DNAH7: variants seen among roughly 807,000 people sequenced by gnomAD.
DNAH7 encodes the protein dynein axonemal heavy chain 7.
Under a neutral mutation model 444.6 loss-of-function variants are expected in DNAH7, and 397 were observed. That is an observed-to-expected ratio of 0.89 (90% confidence interval 0.82 to 0.97). The LOEUF is 0.97. DNAH7 is among the 50% of genes least tolerant of loss of function. DNAH7 has a pLI of 0.00. For missense variants in DNAH7, 4,902 were observed against 4,800.8 expected (o/e 1.02, Z -0.62); for synonymous variants, 1,636 against 1,624.4 (o/e 1.01, Z -0.17).
chr2:195,821,950 T>C (rs1401773399), intron 49 of DNAH7, among the ~76,000 whole-genome samples: 1 of 152,188 alleles, frequency 6.6e-6, no homozygotes, highest in Non-Finnish European at 1.5e-5. Flanking sequence ...AGGAAGATGA[T>C]TCCCTCCTTC....
chr2:195,828,610 ATTTTT>A (rs35765183), intron 48 of DNAH7, among the ~76,000 whole-genome samples: 2,115 of 135,104 alleles, frequency 0.016, 37 homozygotes, highest in Non-Finnish European at 0.022. Context: ...ATATATATAT[ATTTTT>A]TTTTTTTTTT....
chr2:195,947,922 C>A (rs1203149636), intron 19 of DNAH7, among the ~76,000 whole-genome samples: 1 of 152,166 alleles, frequency 6.6e-6, no homozygotes, highest in African/African-American at 2.4e-5. Flanking sequence ...ACTGTAAAAA[C>A]GTTCCTATTC....
At chr2:195,851,086 C>T (rs1003080741) in intron 46 of DNAH7, among the ~76,000 whole-genome samples, 2 of 152,156 alleles carry the variant, frequency 1.3e-5, no homozygotes, top group African/African-American at 2.4e-5. Context: ...AGGTGCTAGT[C>T]GTTGGGTGTG....
chr2:196,056,821 G>A (rs898474934), intron 2 of DNAH7, among the ~76,000 whole-genome samples: 1 of 152,176 alleles, frequency 6.6e-6, no homozygotes, highest in Non-Finnish European at 1.5e-5. Context: ...GATAACTTGT[G>A]CACAGGAAAA....
At chr2:196,021,888 A>T (rs950354431) in intron 8 of DNAH7, among the ~76,000 whole-genome samples, 2 of 152,172 alleles carry the variant, frequency 1.3e-5, no homozygotes, top group Non-Finnish European at 2.9e-5. Context: ...GCACTGTGGG[A>T]GGCTGAGGCA....
At chr2:195,922,718 T>C (rs1040079211) in intron 23 of DNAH7, among the ~76,000 whole-genome samples, 6 of 152,184 alleles carry the variant, frequency 3.9e-5, no homozygotes, top group Non-Finnish European at 7.3e-5. Flanking sequence ...CACCTGTCTA[T>C]GCCCACGCCC....
At chr2:196,016,059 T>C (rs1487560661) in intron 9 of DNAH7, among the ~76,000 whole-genome samples, 4 of 152,200 alleles carry the variant, frequency 2.6e-5, no homozygotes, top group Admixed American at 2.0e-4. Flanking sequence ...TTTGGACACA[T>C]ACACTTTCTA....
intron 24 of DNAH7, among the ~76,000 whole-genome samples, chr2:195,921,299 T>C (rs1224112244): frequency 6.6e-6 from 1 of 151,420 alleles, no homozygotes; most frequent in Non-Finnish European, 1.5e-5. Flanking sequence ...TGCAAAAATA[T>C]GGAACCAGCC....
intron 21 of DNAH7, among the ~76,000 whole-genome samples, chr2:195,930,540 G>A (rs1688621961): frequency 6.6e-6 from 1 of 152,110 alleles, no homozygotes; most frequent in African/African-American, 2.4e-5. Flanking sequence ...TGCTGATAAG[G>A]CTGCAGAGAA....
intron 15 of DNAH7, among the ~76,000 whole-genome samples, chr2:195,977,944 C>G (rs2125596974): frequency 6.6e-6 from 1 of 152,232 alleles, no homozygotes; most frequent in Admixed American, 6.5e-5. Flanking sequence ...CCCAGACAAA[C>G]AAAAGCTGAG....
chr2:195,907,175 T>C (rs1465466923), intron 25 of DNAH7, among the ~76,000 whole-genome samples, 166 bp from the exon 26 acceptor site: 1 of 152,214 alleles, frequency 6.6e-6, no homozygotes, highest in Non-Finnish European at 1.5e-5. Context: ...CAATTCATTA[T>C]TCTGCACGAA....
chr2:195,999,047 G>A, intron 12 of DNAH7: 1 of 709,438 alleles, frequency 1.4e-6, no homozygotes, highest in Non-Finnish European at 2.6e-6. Flanking sequence ...GCATGGGAGG[G>A]GCTGCCAGGA....
intron 49 of DNAH7, 98 bp downstream of exon 49, chr2:195,824,157 G>GT: frequency 8.5e-7 from 1 of 1,178,350 alleles, no homozygotes; most frequent in South Asian, 2.2e-5. Context: ...GGCAAAATCC[G>GT]TTTTTCTTAG....
At chr2:195,836,151 A>C (rs12464636) in intron 47 of DNAH7, among the ~76,000 whole-genome samples, 100,803 of 151,910 alleles carry the variant, frequency 0.66, 34,268 homozygotes, top group Non-Finnish European at 0.75. Flanking sequence ...CCCTCTTCTT[A>C]CAAGGACACC....
intron 36 of DNAH7, among the ~76,000 whole-genome samples, chr2:195,877,182 T>C (rs371495165): frequency 6.6e-6 from 1 of 152,240 alleles, no homozygotes; most frequent in East Asian, 1.9e-4. Flanking sequence ...TCAAGATGTA[T>C]GCCAGGGACA....
rs1700031462 is a variant in DNAH7 at position 195,861,785 on chromosome 2, A to AT, written c.7667dup (p.Asn2556LysfsTer25). ...CGAGGTAAGAGGTAGGAGTCACATA[A>AT]TTGTATCTTTGAAGTTCAACAAAGA... On this transcript the variant is annotated frameshift_variant, in exon 42 of 65. Transcript: ENST00000312428. LOFTEE classifies it high-confidence loss of function. The AT allele has an allele frequency of 6.2e-7, 1 of 1,613,648 alleles. No individual in the cohort carries two copies. The highest frequency in any genetic ancestry group is 1.3e-5 in the African/African-American group (1 of 74,898).
At position 195,937,072 on chromosome 2, in the gene DNAH7, G is replaced by A. The variant is rs185511512; in HGVS notation, c.3079-280C>T. Among the ~76,000 whole-genome samples the A allele has an allele frequency of 3.2e-4, 49 of 152,162 alleles. No individual in the cohort carries two copies. In the East Asian group the frequency reaches 8.9e-3, roughly 28 times the overall value. On this transcript the variant is annotated intron_variant, in intron 19 of 64. Coordinates refer to ENST00000312428, the MANE Select transcript of DNAH7 (RefSeq NM_018897.3). ...CAGAAAATGAGAGAGAGAGAACACT[G>A]CCTGAACTCACAAGAAGGACAGTGG...
At chr2:195,740,960 C>T (rs1015457142) in intron 63 of DNAH7, 91 bp from the exon 64 acceptor site, 6 of 601,038 alleles carry the variant, frequency 1.0e-5, no homozygotes, top group Admixed American at 9.6e-5. Context: ...AAGTACTATG[C>T]AGGTGATACT....
At chr2:196,013,018 AT>A (rs1054265457) in intron 9 of DNAH7, 112 bp from the exon 10 acceptor site, 4 of 706,956 alleles carry the variant, frequency 5.7e-6, no homozygotes, top group African/African-American at 5.6e-5. Flanking sequence ...ATCATTAAAA[AT>A]TGTGTTCTAT....
Sources: allele counts gnomAD v4.1 joint callset (sites outside exome capture counted in the v4.1 genomes callset), GRCh38; gene constraint gnomAD v4.1.1; transcripts MANE v1.5; gene names NCBI Gene and HGNC (gene_info 2026-07-23, HGNC 2026-07-21).